The following SOS1 variants were observed in gnomAD, a reference collection of about 807,000 sequenced individuals.
SOS1 encodes the protein son of sevenless homolog 1.
Under a neutral mutation model 157.6 loss-of-function variants are expected in SOS1, and 25 were observed. That is an observed-to-expected ratio of 0.16 (90% CI 0.12 to 0.22). SOS1 has a LOEUF of 0.22. Among genes scored for constraint, SOS1 ranks in the 10% least tolerant of loss-of-function variants. The pLI is 1.00. For synonymous variants in SOS1, 528 were observed against 534.0 expected (o/e 0.99, Z 0.16); for missense variants, 1,237 against 1,599.1 (o/e 0.77, Z 3.86).
intron 6 of SOS1, among the ~76,000 whole-genome samples, chr2:39,045,429 G>A (rs1670745226): frequency 6.6e-6 from 1 of 151,950 alleles, no homozygotes; most frequent in African/African-American, 2.4e-5. Context: ...AATTCTGTCA[G>A]TTTCTACTTC....
chr2:39,015,267 T>C (rs1415280388), intron 10 of SOS1, among the ~76,000 whole-genome samples: 1 of 151,810 alleles, frequency 6.6e-6, no homozygotes, highest in Non-Finnish European at 1.5e-5. Flanking sequence ...TTATCTAGGA[T>C]GACTTATCTA....
At position 39,006,112 on chromosome 2, in the gene SOS1, G is replaced by A. The variant is rs997484740; in HGVS notation, c.2791+300C>T. 2.0e-5 allele frequency among the ~76,000 whole-genome samples: 3 copies of A among 152,088 alleles called. No individual in the cohort carries two copies. In the East Asian group the frequency reaches 5.8e-4, roughly 29 times the overall value. On this transcript the variant is annotated intron_variant, in intron 17 of 22. Transcript: ENST00000402219. ...AATGATTATAAATATAGTTGAGTTT[G>A]GCTATGCCTCTGCTGTATTTAGTTT...
At chr2:38,994,598 C>T (rs761475745) in intron 20 of SOS1, among the ~76,000 whole-genome samples, 1 of 152,174 alleles carries the variant, frequency 6.6e-6, no homozygotes, top group Non-Finnish European at 1.5e-5. Flanking sequence ...CAGAATATTA[C>T]ATCATACTTA....
intron 20 of SOS1, 56 bp from the exon 21 acceptor site, chr2:38,989,370 C>A (rs1448959040): frequency 1.8e-6 from 2 of 1,098,864 alleles, no homozygotes; most frequent in Non-Finnish European, 2.8e-6. Flanking sequence ...ATATTCAACT[C>A]ATCTGCAAAA....
intron 1 of SOS1, among the ~76,000 whole-genome samples, chr2:39,079,065 A>C (rs1323217964): frequency 9.9e-4 from 13 of 13,196 alleles, no homozygotes; most frequent in South Asian, 3.3e-3. Context: ...TGTCTCCCAA[A>C]AAAAAAAAAA....
At chr2:39,018,381 G>T (rs1327834145) in intron 10 of SOS1, among the ~76,000 whole-genome samples, 3 of 151,544 alleles carry the variant, frequency 2.0e-5, no homozygotes, top group Non-Finnish European at 3.0e-5. Flanking sequence ...CTACGCTAAG[G>T]TTTCCACCAT....
At chr2:39,113,515 G>A (rs1278936204) in intron 1 of SOS1, among the ~76,000 whole-genome samples, 1 of 151,764 alleles carries the variant, frequency 6.6e-6, no homozygotes, top group Non-Finnish European at 1.5e-5. Context: ...TTTAGAGTTG[G>A]GGGAGGGAGG....
At chr2:39,082,620 C>T (rs1253157879) in intron 1 of SOS1, 12 of 152,104 alleles carry the variant, frequency 7.9e-5, no homozygotes, top group Non-Finnish European at 1.8e-4. Flanking sequence ...ATACTGAAAA[C>T]GAAACGATAC....
At chr2:39,003,169 CCTTAT>C (rs1247169550) in intron 17 of SOS1, among the ~76,000 whole-genome samples, 2 of 151,116 alleles carry the variant, frequency 1.3e-5, no homozygotes, top group African/African-American at 4.9e-5. Flanking sequence ...TAATTAGAGA[CCTTAT>C]CTTTTTGGAG....
intron 2 of SOS1, among the ~76,000 whole-genome samples, chr2:39,064,575 G>T (rs1033773508): frequency 6.6e-6 from 1 of 151,932 alleles, no homozygotes; most frequent in African/African-American, 2.4e-5. Context: ...AGGGTCTCTT[G>T]ACCTTATTCC....
rs143567618 is a variant in SOS1 at position 39,075,011 on chromosome 2, T to C, written c.88-7258A>G. Among the ~76,000 whole-genome samples, 839 of 151,854 alleles carry C rather than the reference T, an allele frequency of 5.5e-3. 6 individuals carry two copies. Among genetic ancestry groups the C allele is most frequent in the Non-Finnish European group, 9.3e-3 (633 of 67,980 alleles). On this transcript the variant is annotated intron_variant, in intron 1 of 22. Transcript: ENST00000402219. ...TATATCATGCTAAGGAGTTGGGAAGTGATCAGGGTAGCAGAAAATAATTGT... is the reference window on the plus strand; with the variant it reads ...TATATCATGCTAAGGAGTTGGGAAGCGATCAGGGTAGCAGAAAATAATTGT...
upstream of SOS1, among the ~76,000 whole-genome samples, chr2:39,123,493 G>A (rs1488581744): frequency 2.0e-5 from 3 of 151,968 alleles, no homozygotes; most frequent in Non-Finnish European, 4.4e-5. Flanking sequence ...GAGTAGCTGG[G>A]ACTACAGGCG....
chr2:38,994,605 C>CT, intron 20 of SOS1, among the ~76,000 whole-genome samples: 1 of 152,190 alleles, frequency 6.6e-6, no homozygotes, highest in Non-Finnish European at 1.5e-5. Flanking sequence ...TTACATCATA[C>CT]TTACTGGTTT....
chr2:39,034,863 G>A (rs1477954685), intron 8 of SOS1: 8 of 462,624 alleles, frequency 1.7e-5, no homozygotes, highest in South Asian at 3.1e-5. Flanking sequence ...TGGAAACTGC[G>A]ATGCATAAAT....
At chr2:39,047,778 C>G (rs1276211255) in intron 6 of SOS1, among the ~76,000 whole-genome samples, 1 of 152,158 alleles carries the variant, frequency 6.6e-6, no homozygotes, top group Non-Finnish European at 1.5e-5. Context: ...TCAAGCAATT[C>G]TGCCTCAGAT....
chr2:39,067,698 A>G lies in SOS1; in HGVS notation c.143T>C (p.Val48Ala), dbSNP rs373898570. Residue 48 changes from valine to alanine, a missense_variant, in exon 2 of 23, where the codon GTT (valine) becomes GCT (alanine). Val to Ala is a moderately conservative substitution (Grantham distance 64). Around this residue, in one of 15 missense-constraint regions of SOS1, gnomAD observed 99 missense variants for 81.6 expected, o/e 1.21. Transcript: ENST00000402219. ...TAATAATTGCAAAATTAATTCTTCAACATACTGAAGAGCATCATCATTAGA... is the reference window on the plus strand; with the variant it reads ...TAATAATTGCAAAATTAATTCTTCAGCATACTGAAGAGCATCATCATTAGA... ...LESNDDALQY[V>A]EELILQLLNM... is the part of the protein sequence containing the mutation. 24 of 1,608,698 alleles carry G rather than the reference A, an allele frequency of 1.5e-5. No individual in the cohort carries two copies. The highest frequency in any genetic ancestry group is 2.2e-5 in the South Asian group (2 of 90,966).
At position 39,120,457 on chromosome 2, in the gene SOS1, G is replaced by A. The variant is rs1380439349; in HGVS notation, c.-35C>T. On this transcript the variant is annotated 5_prime_UTR_variant, in exon 1 of 23. Coordinates refer to ENST00000402219, the MANE Select transcript of SOS1 (RefSeq NM_005633.4). ...GGGGCGCCTCTGGGCGGGGAGAGGG[G>A]CGGCGGCGGCCGGGCCAGGGAGCCG... 7 of 1,538,612 alleles carry A rather than the reference G, an allele frequency of 4.5e-6. No individual in the cohort carries two copies. In the Admixed American group the frequency reaches 9.4e-5, roughly 21 times the overall value.
Position 39,024,145 on chromosome 2 carries a change from G to A in SOS1, c.1075-8C>T, listed in dbSNP as rs1669882586. 2 of 1,607,758 alleles carry A rather than the reference G, an allele frequency of 1.2e-6. No homozygotes were observed. The highest frequency in any genetic ancestry group is 2.2e-5 in the South Asian group (2 of 90,866). Reference sequence around the variant, plus strand: ...ACTTTTTTCTTCTAACTGCTGTAAAGCCAAAATGACAAATCTGAACCAGTA... The same window carrying A: ...ACTTTTTTCTTCTAACTGCTGTAAAACCAAAATGACAAATCTGAACCAGTA... On this transcript the variant is annotated splice_region_variant and splice_polypyrimidine_tract_variant and intron_variant, in intron 8 of 22. Transcript: ENST00000402219.
At chr2:39,123,164 C>G (rs559592770), upstream of SOS1, among the ~76,000 whole-genome samples, 26 of 152,258 alleles carry the variant, frequency 1.7e-4, no homozygotes, top group South Asian at 5.4e-3. Flanking sequence ...GTTCCCTTGG[C>G]TGGTTATAAA....
Sources: allele counts gnomAD v4.1 joint callset (sites outside exome capture counted in the v4.1 genomes callset), GRCh38; gene constraint gnomAD v4.1.1; regional missense constraint gnomAD v4.1.1; transcripts MANE v1.5; gene names NCBI Gene and HGNC (gene_info 2026-07-23, HGNC 2026-07-21).